Variants in GNA12 observed in about 807,000 individuals in gnomAD.
GNA12 encodes the protein G protein subunit alpha 12, also known as guanine nucleotide-binding protein subunit alpha-12.
In GNA12, 9 loss-of-function variants were observed where a neutral mutation model predicts 26.0. That is an observed-to-expected ratio of 0.35 (90% CI 0.21 to 0.60). The LOEUF (loss-of-function observed/expected upper bound fraction) is 0.60. Among genes scored for constraint, GNA12 ranks in the 20% least tolerant of loss-of-function variants. The pLI is 0.78. For missense variants in GNA12, 405 were observed against 525.8 expected, an observed-to-expected ratio of 0.77 and a Z score of 2.25; for synonymous variants, 264 against 219.6, an observed-to-expected ratio of 1.20 and a Z score of -1.79.
At chr7:2,761,075 G>A (rs1246388315) in intron 2 of GNA12, among the ~76,000 whole-genome samples, 3 of 152,214 alleles carry the variant, frequency 2.0e-5, no homozygotes, top group Non-Finnish European at 4.4e-5. Context: ...AACGTAGCAC[G>A]CATCTCATAG....
chr7:2,796,799 A>G (rs757788), intron 1 of GNA12, among the ~76,000 whole-genome samples: 17,631 of 152,266 alleles, frequency 0.12, 1,089 homozygotes, highest in Middle Eastern at 0.19. Context: ...ACATAGTATT[A>G]GGGAATGCAG....
chr7:2,750,630 C>T (rs907883810), intron 2 of GNA12, among the ~76,000 whole-genome samples: 8 of 152,238 alleles, frequency 5.3e-5, no homozygotes, highest in African/African-American at 1.9e-4. Context: ...GTACTGTATT[C>T]ATCCCCTTTT....
chr7:2,815,289 G>T (rs965175900), intron 1 of GNA12: 2 of 230,400 alleles, frequency 8.7e-6, no homozygotes, highest in African/African-American at 2.3e-5. Flanking sequence ...GGCTCAGGAG[G>T]AGGCATTTAC....
At chr7:2,740,955 G>A (rs569345927) in intron 2 of GNA12, among the ~76,000 whole-genome samples, 1 of 152,322 alleles carries the variant, frequency 6.6e-6, no homozygotes, top group South Asian at 2.1e-4. Context: ...TAAGGCAGAA[G>A]AATGGTGTGA....
At chr7:2,750,373 C>G (rs1790974266) in intron 2 of GNA12, among the ~76,000 whole-genome samples, 1 of 152,192 alleles carries the variant, frequency 6.6e-6, no homozygotes, top group South Asian at 2.1e-4. Flanking sequence ...TAGGTTATGC[C>G]TGGCTTTTAA....
At chr7:2,775,994 TG>T (rs1368384751) in intron 2 of GNA12, among the ~76,000 whole-genome samples, 1 of 152,202 alleles carries the variant, frequency 6.6e-6, no homozygotes, top group Non-Finnish European at 1.5e-5. Context: ...GCTCCCCTGG[TG>T]GGAAGGCCCT....
chr7:2,842,110 G>A (rs936099444), intron 1 of GNA12, among the ~76,000 whole-genome samples: 18 of 145,474 alleles, frequency 1.2e-4, no homozygotes, highest in Middle Eastern at 3.5e-3. Flanking sequence ...AAGGAAGGAA[G>A]GGAAGGGAGG....
chr7:2,755,133 C>T (rs1187108812), intron 2 of GNA12, among the ~76,000 whole-genome samples: 1 of 152,050 alleles, frequency 6.6e-6, no homozygotes, highest in Non-Finnish European at 1.5e-5. Flanking sequence ...TCGTGTCTCT[C>T]CCTGCGCCAG....
chr7:2,736,050 G>A (rs149678719), intron 2 of GNA12, among the ~76,000 whole-genome samples: 34 of 152,314 alleles, frequency 2.2e-4, no homozygotes, highest in Middle Eastern at 3.4e-3. Flanking sequence ...CGGGACGATC[G>A]TTTGCGACGG....
At chr7:2,737,398 C>T (rs1246703038) in intron 2 of GNA12, among the ~76,000 whole-genome samples, 1 of 147,682 alleles carries the variant, frequency 6.8e-6, no homozygotes, top group African/African-American at 2.5e-5. Context: ...AAGCAATTCT[C>T]CTGCCTCAGC....
intron 1 of GNA12, among the ~76,000 whole-genome samples, chr7:2,827,547 C>T (rs1193308420): frequency 6.6e-6 from 1 of 152,146 alleles, no homozygotes; most frequent in East Asian, 1.9e-4. Flanking sequence ...ACCAAACTGA[C>T]TGGAAGGGAA....
intron 2 of GNA12, among the ~76,000 whole-genome samples, chr7:2,754,536 G>GATATAT (rs1410097880): frequency 6.6e-6 from 1 of 151,734 alleles, no homozygotes; most frequent in Non-Finnish European, 1.5e-5. Context: ...TGAGCTTAGG[G>GATATAT]GCTCGAAACC....
chr7:2,809,129 G>C (rs912757014), intron 1 of GNA12, among the ~76,000 whole-genome samples: 1 of 151,982 alleles, frequency 6.6e-6, no homozygotes, highest in South Asian at 2.1e-4. Flanking sequence ...CTGGCTACCC[G>C]CCTTCAGAGT....
At chr7:2,786,160 GAC>G in intron 2 of GNA12, among the ~76,000 whole-genome samples, 1 of 152,204 alleles carries the variant, frequency 6.6e-6, no homozygotes, top group East Asian at 1.9e-4. Context: ...GTAATACAGT[GAC>G]ACAGTACTAC....
intron 2 of GNA12, among the ~76,000 whole-genome samples, chr7:2,751,805 G>T (rs542328305): frequency 4.6e-5 from 7 of 152,108 alleles, no homozygotes; most frequent in Non-Finnish European, 1.0e-4. Context: ...TTCCCAAAAC[G>T]GATACTGTAT....
intron 1 of GNA12, among the ~76,000 whole-genome samples, chr7:2,811,014 G>C (rs1047021076): frequency 6.6e-6 from 1 of 152,188 alleles, no homozygotes; most frequent in African/African-American, 2.4e-5. Flanking sequence ...CTCAGCCTTT[G>C]GAGATGGCAA....
intron 2 of GNA12, chr7:2,763,152 C>G: frequency 8.4e-7 from 1 of 1,191,436 alleles, no homozygotes; most frequent in Non-Finnish European, 1.0e-6. Context: ...CTCGAATATT[C>G]TGCTGACAAG....
rs1562387779 is a variant in GNA12 at position 2,729,172 on chromosome 7, C to T, written c.*2009G>A. The T allele has an allele frequency of 6.6e-6, 1 of 152,406 alleles. No individual in the cohort carries two copies. The highest frequency in any genetic ancestry group is 2.4e-5 in the African/African-American group (1 of 41,480). 9.4% of individuals were successfully genotyped at this position (152,406 alleles called of 1,614,324 possible). On this transcript the variant is annotated 3_prime_UTR_variant, in exon 4 of 4. Coordinates refer to ENST00000275364, the MANE Select transcript of GNA12 (RefSeq NM_007353.3). ...GAGGCTCTCCCCGTTGGCGGAGGAC[C>T]CGCTTGCACTTCCTCTGGGCTCTGG...
At chr7:2,744,739 C>T (rs1192129520) in intron 2 of GNA12, among the ~76,000 whole-genome samples, 8 of 152,090 alleles carry the variant, frequency 5.3e-5, no homozygotes, top group African/African-American at 2.4e-5. Flanking sequence ...GGAGGAAGTT[C>T]GAACCAATGG....
Sources: gnomAD v4.1 joint callset for allele counts (sites outside exome capture counted in the v4.1 genomes callset) on GRCh38, gnomAD v4.1.1 for gene constraint, MANE v1.5 for transcripts, NCBI Gene and HGNC (gene_info 2026-07-23, HGNC 2026-07-21) for gene names.